The following TMEM132D variants were observed in gnomAD, a reference collection of about 807,000 sequenced individuals.
The protein encoded by TMEM132D is mature OL transmembrane protein.
A neutral mutation model predicts 62.3 loss-of-function variants in TMEM132D; 21 were observed. The ratio of observed to expected loss-of-function variants is 0.34; its 90% CI spans 0.24 to 0.49. The LOEUF is 0.49. TMEM132D is among the 20% of genes least tolerant of loss of function. TMEM132D has a pLI of 0.99. For synonymous variants in TMEM132D, 621 were observed against 575.6 expected, an observed-to-expected ratio of 1.08 and a Z score of -1.13; for missense variants, 1,346 against 1,402.8, an observed-to-expected ratio of 0.96 and a Z score of 0.65.
At chr12:129,380,956 T>C (rs1870932952) in intron 3 of TMEM132D, among the ~76,000 whole-genome samples, 1 of 152,214 alleles carries the variant, frequency 6.6e-6, no homozygotes, top group Admixed American at 6.5e-5. Context: ...TAAATGGATA[T>C]TGAATCCTAT....
At chr12:129,251,380 A>T (rs932908955) in intron 4 of TMEM132D, among the ~76,000 whole-genome samples, 2 of 141,188 alleles carry the variant, frequency 1.4e-5, no homozygotes, top group African/African-American at 5.2e-5. Context: ...AAAAAAAAAA[A>T]AAAGAAGAGA....
chr12:129,172,506 C>G (rs562103380), intron 5 of TMEM132D, among the ~76,000 whole-genome samples: 3 of 152,338 alleles, frequency 2.0e-5, no homozygotes, highest in Non-Finnish European at 4.4e-5. Context: ...TTAACCATTT[C>G]TAGCTTTTGA....
chr12:129,331,697 T>C (rs544750316), intron 4 of TMEM132D, among the ~76,000 whole-genome samples: 1 of 152,340 alleles, frequency 6.6e-6, no homozygotes, highest in South Asian at 2.1e-4. Flanking sequence ...GACTTGTAAC[T>C]ATGTTTTAAA....
chr12:129,399,434 C>CTACTTCTT (rs1357908347), intron 3 of TMEM132D, among the ~76,000 whole-genome samples: 3 of 152,038 alleles, frequency 2.0e-5, no homozygotes, highest in Admixed American at 6.6e-5. Flanking sequence ...CGATAACCAA[C>CTACTTCTT]CCATTCCTGC....
intron 5 of TMEM132D, among the ~76,000 whole-genome samples, chr12:129,208,228 G>A (rs974430642): frequency 1.2e-4 from 19 of 152,288 alleles, no homozygotes; most frequent in African/African-American, 4.3e-4. Flanking sequence ...GCTGGATCCT[G>A]GCTATCCTTG....
chr12:129,777,724 C>T (rs1243221531), intron 1 of TMEM132D, among the ~76,000 whole-genome samples: 2 of 152,034 alleles, frequency 1.3e-5, no homozygotes, highest in East Asian at 1.9e-4. Context: ...AACTTTTTAC[C>T]ACCCCTTTAC....
In TMEM132D at chr12:129,330,682, G is replaced by T. The variant is rs183106128; in HGVS notation, c.1299+6952C>A. Among the ~76,000 whole-genome samples, 5 of 152,330 alleles carry T rather than the reference G, an allele frequency of 3.3e-5. No homozygotes were observed. In the East Asian group the frequency reaches 9.6e-4, roughly 29 times the overall value. ...ACACCCTGCTCTACCTCGGGACTCTGCAGAGAGTTCCCCACCAGCAAGAAG... is the reference window on the plus strand; with the variant it reads ...ACACCCTGCTCTACCTCGGGACTCTTCAGAGAGTTCCCCACCAGCAAGAAG... On this transcript the variant is annotated intron_variant, in intron 4 of 8. Transcript: ENST00000422113.
At chr12:129,122,584 A>G (rs1007583651) in intron 5 of TMEM132D, among the ~76,000 whole-genome samples, 1 of 152,210 alleles carries the variant, frequency 6.6e-6, no homozygotes, top group Non-Finnish European at 1.5e-5. Context: ...CAAGAGGGTA[A>G]AAACTGAGGC....
chr12:129,337,574 C>T (rs1869332217), intron 4 of TMEM132D, 60 bp downstream of exon 4: 29 of 1,600,236 alleles, frequency 1.8e-5, no homozygotes, highest in Middle Eastern at 1.7e-4. Context: ...CTCAGTGCGG[C>T]GCCGGCGCCT....
chr12:129,634,031 A>G (rs1879416039), intron 2 of TMEM132D, among the ~76,000 whole-genome samples: 2 of 152,118 alleles, frequency 1.3e-5, no homozygotes, highest in African/African-American at 4.8e-5. Flanking sequence ...TGAGACTATT[A>G]TGGCTCTCAG....
intron 3 of TMEM132D, chr12:129,522,907 G>A (rs1416909504): frequency 6.6e-6 from 1 of 151,398 alleles, no homozygotes; most frequent in African/African-American, 2.4e-5. Flanking sequence ...ACACAGATTA[G>A]ATATATATGT....
At chr12:129,476,467 C>T (rs1172350885) in intron 3 of TMEM132D, among the ~76,000 whole-genome samples, 2 of 152,154 alleles carry the variant, frequency 1.3e-5, no homozygotes, top group East Asian at 1.9e-4. Flanking sequence ...ATTGTTGGTG[C>T]CCCACACCTT....
At chr12:129,754,237 C>A (rs1186115680) in intron 1 of TMEM132D, among the ~76,000 whole-genome samples, 1 of 152,192 alleles carries the variant, frequency 6.6e-6, no homozygotes, top group Non-Finnish European at 1.5e-5. Context: ...AACAGAATCC[C>A]TATCAGATAT....
intron 4 of TMEM132D, among the ~76,000 whole-genome samples, chr12:129,321,703 C>T (rs1194000339): frequency 1.3e-5 from 2 of 152,084 alleles, no homozygotes; most frequent in Admixed American, 6.5e-5. Flanking sequence ...GGACTACAGG[C>T]GCCCGCCACC....
At chr12:129,576,171 G>A (rs1017423290) in intron 2 of TMEM132D, among the ~76,000 whole-genome samples, 1 of 151,808 alleles carries the variant, frequency 6.6e-6, no homozygotes, top group Non-Finnish European at 1.5e-5. Context: ...CTTTCTCTTT[G>A]CATACCCTCT....
At chr12:129,300,413 C>A (rs1246899486) in intron 4 of TMEM132D, among the ~76,000 whole-genome samples, 2 of 152,232 alleles carry the variant, frequency 1.3e-5, no homozygotes, top group Non-Finnish European at 2.9e-5. Context: ...CGATGAATAT[C>A]ACTGAGCACC....
chr12:129,267,854 G>GAA (rs893967116), intron 4 of TMEM132D, among the ~76,000 whole-genome samples: 22 of 152,252 alleles, frequency 1.4e-4, no homozygotes, highest in Admixed American at 1.3e-3. Context: ...CAATGGAACA[G>GAA]AACAGAGCCC....
chr12:129,721,199 TG>T (rs1019682542), intron 1 of TMEM132D, among the ~76,000 whole-genome samples: 2 of 152,122 alleles, frequency 1.3e-5, no homozygotes, highest in African/African-American at 4.8e-5. Context: ...TCATCCTACT[TG>T]TACCGTTACA....
At chr12:129,652,699 C>A (rs1206844379) in intron 2 of TMEM132D, among the ~76,000 whole-genome samples, 1 of 152,334 alleles carries the variant, frequency 6.6e-6, no homozygotes, top group East Asian at 1.9e-4. Context: ...GTTCTGCCAA[C>A]ACCTTGACTT....
Sources: gnomAD v4.1 joint callset for allele counts (sites outside exome capture counted in the v4.1 genomes callset) on GRCh38, gnomAD v4.1.1 for gene constraint, MANE v1.5 for transcripts, NCBI Gene and HGNC (gene_info 2026-07-23, HGNC 2026-07-21) for gene names.